ATP11B: variants seen among roughly 807,000 people sequenced by gnomAD.
ATP11B encodes phospholipid-transporting ATPase IF.
Under a neutral mutation model 157.8 loss-of-function variants are expected in ATP11B, and 81 were observed. The ratio of observed to expected loss-of-function variants is 0.51; its 90% CI spans 0.43 to 0.62. ATP11B has a LOEUF of 0.62. ATP11B is among the 20% of genes least tolerant of loss of function. ATP11B has a pLI of 0.00. For missense variants in ATP11B, 1,165 were observed against 1,402.2 expected (o/e 0.83, Z 2.70); for synonymous variants, 451 against 469.4 (o/e 0.96, Z 0.51).
chr3:182,883,058 T>C (rs1481397316), intron 21 of ATP11B, among the ~76,000 whole-genome samples: 2 of 152,204 alleles, frequency 1.3e-5, no homozygotes, highest in Non-Finnish European at 1.5e-5. Context: ...TTATACAATG[T>C]TAGTAGGAGC....
chr3:182,916,028 C>T (rs1414386313), intron 29 of ATP11B: 2 of 984,468 alleles, frequency 2.0e-6, no homozygotes, highest in African/African-American at 1.8e-5. Flanking sequence ...CTTTTCAGAC[C>T]TGTTCATTCT....
chr3:182,821,915 C>T (rs1560064481), intron 2 of ATP11B, among the ~76,000 whole-genome samples: 2 of 152,206 alleles, frequency 1.3e-5, no homozygotes, highest in East Asian at 1.9e-4. Context: ...ATCCTAACCT[C>T]GTCTTTCCCA....
chr3:182,918,059 C>T lies in ATP11B; in HGVS notation c.3489C>T (p.Asp1163=). 6.2e-7 allele frequency: 1 copy of T among 1,613,376 alleles called. No individual in the cohort carries two copies. The highest frequency in any genetic ancestry group is 8.5e-7 in the Non-Finnish European group (1 of 1,179,514). The part of the protein sequence containing the change: ...WSASDPFYTN[D]RSILTLSTMD... ...CATCGGATCCTTTCTATACCAACGACAGGAGCATCTTGACTCTCTCCACAA... is the reference window on the plus strand; with the variant it reads ...CATCGGATCCTTTCTATACCAACGATAGGAGCATCTTGACTCTCTCCACAA... Residue 1163 remains aspartate (D), a synonymous_variant, in exon 30 of 30, where the codon GAC becomes GAT. Coordinates refer to ENST00000323116, the MANE Select transcript of ATP11B (RefSeq NM_014616.3).
intron 20 of ATP11B, 91 bp downstream of exon 20, chr3:182,879,740 G>A (rs868003417): frequency 8.3e-7 from 1 of 1,200,888 alleles, no homozygotes; most frequent in Non-Finnish European, 1.1e-6. Flanking sequence ...TCCATTTGGT[G>A]ATGTGCAATA....
intron 21 of ATP11B, among the ~76,000 whole-genome samples, chr3:182,881,412 C>T (rs887698883): frequency 2.0e-5 from 3 of 151,872 alleles, no homozygotes; most frequent in South Asian, 4.2e-4. Flanking sequence ...TGCTTGAACC[C>T]AGGAGGCAGA....
At chr3:182,857,586 ATTAC>A (rs1308603369) in intron 10 of ATP11B, among the ~76,000 whole-genome samples, 2 of 152,090 alleles carry the variant, frequency 1.3e-5, no homozygotes, top group Non-Finnish European at 2.9e-5. Flanking sequence ...ACTTAGAATA[ATTAC>A]TTATGGCAAA....
intron 1 of ATP11B, among the ~76,000 whole-genome samples, chr3:182,818,668 A>G (rs913500503): frequency 6.6e-6 from 1 of 152,240 alleles, no homozygotes; most frequent in Admixed American, 6.5e-5. Context: ...TAATATTCCA[A>G]TGGACTAAGC....
chr3:182,889,245 G>A (rs974280130), intron 24 of ATP11B, among the ~76,000 whole-genome samples, 165 bp from the exon 25 acceptor site: 1 of 152,128 alleles, frequency 6.6e-6, no homozygotes, highest in South Asian at 2.1e-4. Flanking sequence ...GATATTATAA[G>A]CAGTGGTTTA....
Position 182,913,880 on chromosome 3 carries a change from G to GT in ATP11B, c.3339dup (p.Ile1114TyrfsTer32). On this transcript the variant is annotated frameshift_variant, in exon 29 of 30. Transcript: ENST00000323116. LOFTEE classifies it high-confidence loss of function. ...CCGCAGCTTACTGAAACAAATGCAG[G>GT]TATCAAGTGCTTGGACTCCATGTGC... The GT allele has an allele frequency of 1.2e-6, 2 of 1,614,126 alleles. No homozygotes were observed. The highest frequency in any genetic ancestry group is 1.7e-6 in the Non-Finnish European group (2 of 1,179,960).
At chr3:182,882,516 A>G (rs1013882111) in intron 21 of ATP11B, among the ~76,000 whole-genome samples, 3 of 152,130 alleles carry the variant, frequency 2.0e-5, no homozygotes, top group Non-Finnish European at 2.9e-5. Flanking sequence ...TGAAAAAAAA[A>G]AGAGAAGTTG....
intron 8 of ATP11B, chr3:182,843,578 T>TCAGA (rs1270711409): frequency 2.0e-5 from 3 of 152,368 alleles, no homozygotes; most frequent in Admixed American, 2.0e-4. Context: ...TCAGATTGTT[T>TCAGA]TCCCTCAATA....
intron 1 of ATP11B, among the ~76,000 whole-genome samples, chr3:182,807,403 T>C (rs147568355): frequency 3.3e-4 from 50 of 152,296 alleles, no homozygotes; most frequent in Non-Finnish European, 5.7e-4. Flanking sequence ...AGGTGAAATA[T>C]ATTTTATTAG....
chr3:182,836,690 T>G, intron 6 of ATP11B: 1 of 497,564 alleles, frequency 2.0e-6, no homozygotes. Context: ...AAACAGAAGG[T>G]GTTTTTAGGA....
chr3:182,888,193 G>A (rs1023863534), intron 24 of ATP11B, among the ~76,000 whole-genome samples: 8 of 152,154 alleles, frequency 5.3e-5, no homozygotes, highest in Non-Finnish European at 5.9e-5. Flanking sequence ...CTGTTCCTCA[G>A]GACCAGCTAT....
intron 20 of ATP11B, among the ~76,000 whole-genome samples, chr3:182,880,635 G>C (rs1722357291): frequency 6.6e-6 from 1 of 151,934 alleles, no homozygotes; most frequent in Non-Finnish European, 1.5e-5. Flanking sequence ...ATATTTAAAA[G>C]ATTCTTGTTT....
At chr3:182,902,400 C>T (rs1369784201) in intron 28 of ATP11B, 4 of 737,434 alleles carry the variant, frequency 5.4e-6, no homozygotes, top group Non-Finnish European at 7.9e-6. Flanking sequence ...ATTTACAAAG[C>T]TTGTCCTGTG....
chr3:182,842,330 G>A (rs1424074059), intron 8 of ATP11B, among the ~76,000 whole-genome samples: 1 of 152,106 alleles, frequency 6.6e-6, no homozygotes, highest in Non-Finnish European at 1.5e-5. Context: ...GTGTTTAGTG[G>A]TCAACCCAGA....
chr3:182,880,765 A>C (rs1179779975), intron 20 of ATP11B, 114 bp from the exon 21 acceptor site: 2 of 513,630 alleles, frequency 3.9e-6, no homozygotes, highest in African/African-American at 4.0e-5. Flanking sequence ...TCTAATAAAA[A>C]ATTAAATATT....
At chr3:182,798,915 C>CT (rs1377815277) in intron 1 of ATP11B, among the ~76,000 whole-genome samples, 1 of 152,026 alleles carries the variant, frequency 6.6e-6, no homozygotes, top group Non-Finnish European at 1.5e-5. Flanking sequence ...TTATTTTTAC[C>CT]TTTTTTTAAA....
Sources: allele counts gnomAD v4.1 joint callset (sites outside exome capture counted in the v4.1 genomes callset), GRCh38; gene constraint gnomAD v4.1.1; transcripts MANE v1.5; gene names NCBI Gene and HGNC (gene_info 2026-07-23, HGNC 2026-07-21).